CDK15: variants seen among roughly 807,000 people sequenced by gnomAD.
CDK15 encodes the protein cyclin-dependent kinase 15.
Under a neutral mutation model 60.3 loss-of-function variants are expected in CDK15, and 62 were observed. The observed-to-expected ratio is 1.03, with a 90% CI of 0.84 to 1.27. CDK15 has a LOEUF of 1.27. CDK15 is among the 50% of genes most tolerant of loss of function. The probability of loss-of-function intolerance (pLI) is 0.00; values close to 1 mark genes in which losing one functional copy is unlikely to be tolerated. For synonymous variants in CDK15, 194 were observed against 195.7 expected, an observed-to-expected ratio of 0.99 and a Z score of 0.07; for missense variants, 541 against 527.8, an observed-to-expected ratio of 1.03 and a Z score of -0.25.
intron 8 of CDK15, among the ~76,000 whole-genome samples, chr2:201,836,058 T>TTTATATTTA (rs1445180792): frequency 1.0e-5 from 1 of 96,028 alleles, no homozygotes. Flanking sequence ...TATATATATA[T>TTTATATTTA]TATATATATT....
chr2:201,882,482 C>T lies in CDK15; in HGVS notation c.1198+2315C>T, dbSNP rs1280534048. ...CAGTTCTTTCAAATTCTCCTGGCTTCCTCCCAATTAAATGAGGTTTGTCAA... is the reference window on the plus strand; with the variant it reads ...CAGTTCTTTCAAATTCTCCTGGCTTTCTCCCAATTAAATGAGGTTTGTCAA... On this transcript the variant is annotated intron_variant, in intron 12 of 13. Coordinates refer to ENST00000652192, the MANE Select transcript of CDK15 (RefSeq NM_001366386.2). The surrounding 1 kb of genome is among the most constrained non-coding windows in gnomAD (Gnocchi z 4.0). 6.6e-6 allele frequency among the ~76,000 whole-genome samples: 1 copy of T among 152,144 alleles called. No homozygotes were observed. Among genetic ancestry groups the T allele is most frequent in the East Asian group, 1.9e-4 (1 of 5,196 alleles).
chr2:201,810,912 T>G (rs111911738), intron 3 of CDK15, among the ~76,000 whole-genome samples: 1,759 of 145,724 alleles, frequency 0.012, 39 homozygotes, highest in African/African-American at 0.042. Context: ...TGGCGCAATC[T>G]CAGCTCACTG....
chr2:201,878,787 ACCTTCT>A (rs1699172692), intron 11 of CDK15, among the ~76,000 whole-genome samples: 1 of 152,190 alleles, frequency 6.6e-6, no homozygotes, highest in Non-Finnish European at 1.5e-5. Flanking sequence ...CACAGATGGC[ACCTTCT>A]CACTGTGTCT....
In CDK15 at chr2:201,812,469, T is replaced by A. The variant is rs948244581; in HGVS notation, c.369-14T>A. The A allele has an allele frequency of 6.2e-7, 1 of 1,600,710 alleles. No homozygotes were observed. The highest frequency in any genetic ancestry group is 1.3e-5 in the African/African-American group (1 of 74,592). ...ACCTCAATAAGTGTGTGCCCCTCAA[T>A]CCCTCTCTTCTAGAATAAATGGACA... On this transcript the variant is annotated splice_polypyrimidine_tract_variant and intron_variant, in intron 3 of 13. Coordinates refer to ENST00000652192, the MANE Select transcript of CDK15 (RefSeq NM_001366386.2).
chr2:201,821,964 C>A (rs553244292), intron 4 of CDK15, among the ~76,000 whole-genome samples: 1 of 152,200 alleles, frequency 6.6e-6, no homozygotes, highest in Non-Finnish European at 1.5e-5. Context: ...CACAAGCATG[C>A]GCTACCACGC....
chr2:201,880,215 CGTGT>C (rs746212014), intron 12 of CDK15, 48 bp downstream of exon 12: 2 of 1,598,998 alleles, frequency 1.3e-6, no homozygotes, highest in Non-Finnish European at 1.7e-6. Context: ...TGCGTGAGTG[CGTGT>C]GTGTGTAAGT....
At chr2:201,836,301 T>G (rs1697085932) in intron 8 of CDK15, among the ~76,000 whole-genome samples, 1 of 147,332 alleles carries the variant, frequency 6.8e-6, no homozygotes, top group Non-Finnish European at 1.5e-5. Flanking sequence ...CCTCCCAGAT[T>G]CAAGCAATTC....
Position 201,807,646 on chromosome 2 carries a change from G to T in CDK15, c.273+3G>T. Reference sequence around the variant, plus strand: ...ATCTGAGGCAGGGTTTTCAGTGGGTGAGTGAGCAGCTGATGTTGATCAAGA... The same window carrying T: ...ATCTGAGGCAGGGTTTTCAGTGGGTTAGTGAGCAGCTGATGTTGATCAAGA... On this transcript the variant is annotated splice_donor_region_variant and intron_variant, in intron 2 of 13. Transcript: ENST00000652192. The T allele has an allele frequency of 1.9e-6, 3 of 1,614,126 alleles. No homozygotes were observed. Among genetic ancestry groups the T allele is most frequent in the Non-Finnish European group, 2.5e-6 (3 of 1,180,002 alleles).
Position 201,867,712 on chromosome 2 carries a change from A to G in CDK15, c.1010-4566A>G, listed in dbSNP as rs144278447. Among the ~76,000 whole-genome samples the G allele has an allele frequency of 1.1e-3, 175 of 152,264 alleles. 2 individuals are homozygous for G. The East Asian group carries it at 0.031, about 27-fold the overall frequency. On this transcript the variant is annotated intron_variant, in intron 10 of 13. Transcript: ENST00000652192. ...TCCCAGGCTAGTTGAATCAAACCTC[A>G]GGGCTTCCTTTCTCGTAAAGGTTTC...
intron 3 of CDK15, among the ~76,000 whole-genome samples, chr2:201,808,402 T>TA (rs1695609862): frequency 6.6e-6 from 1 of 152,196 alleles, no homozygotes; most frequent in Non-Finnish European, 1.5e-5. Flanking sequence ...GAAACTGAAG[T>TA]TGGTTTCTGC....
intron 4 of CDK15, among the ~76,000 whole-genome samples, chr2:201,821,493 G>A (rs1212703752): frequency 2.0e-5 from 3 of 152,142 alleles, no homozygotes; most frequent in Non-Finnish European, 1.5e-5. Flanking sequence ...ATTTAAGGGA[G>A]TATTTCAGTT....
At chr2:201,829,894 G>A (rs56347515) in intron 6 of CDK15, among the ~76,000 whole-genome samples, 5,273 of 152,122 alleles carry the variant, frequency 0.035, 253 homozygotes, top group East Asian at 0.23. Flanking sequence ...TGCAACCTCC[G>A]CTTCCTGGGT....
intron 1 of CDK15, 120 bp from the exon 2 acceptor site, chr2:201,807,374 C>A: frequency 3.8e-6 from 4 of 1,053,274 alleles, no homozygotes; most frequent in South Asian, 1.7e-5. Flanking sequence ...TTTGGGGGTA[C>A]AGGAAGCTTA....
At chr2:201,810,928 T>G (rs1024910748) in intron 3 of CDK15, among the ~76,000 whole-genome samples, 2 of 142,274 alleles carry the variant, frequency 1.4e-5, no homozygotes, top group African/African-American at 5.3e-5. Flanking sequence ...CACTGCAACC[T>G]CCGGCTCCCG....
chr2:201,809,670 T>C (rs1190908059), intron 3 of CDK15, among the ~76,000 whole-genome samples: 1 of 152,134 alleles, frequency 6.6e-6, no homozygotes, highest in Non-Finnish European at 1.5e-5. Context: ...ATCCTGTAAA[T>C]ATCTAATACA....
intron 9 of CDK15, among the ~76,000 whole-genome samples, chr2:201,848,831 TTTATA>T (rs1228639242): frequency 6.6e-6 from 1 of 152,264 alleles, no homozygotes; most frequent in Middle Eastern, 3.4e-3. Flanking sequence ...ATTAAGACAT[TTTATA>T]GAGATTAATT....
intron 8 of CDK15, among the ~76,000 whole-genome samples, chr2:201,838,488 T>TCCAA (rs1392745018): frequency 3.3e-5 from 5 of 151,868 alleles, no homozygotes; most frequent in African/African-American, 1.2e-4. Flanking sequence ...CACTGCAGCC[T>TCCAA]CCAACTCCTG....
chr2:201,844,887 A>G (rs1697576375), intron 8 of CDK15, among the ~76,000 whole-genome samples: 1 of 152,152 alleles, frequency 6.6e-6, no homozygotes, highest in Admixed American at 6.6e-5. Context: ...GGTGGCTCAC[A>G]CCTGTAATTC....
chr2:201,845,158 G>A (rs28839874), intron 8 of CDK15, among the ~76,000 whole-genome samples: 38 of 149,656 alleles, frequency 2.5e-4, no homozygotes, highest in South Asian at 6.4e-4. Context: ...CAAAAAAAAA[G>A]AAAAAAAAAA....
Sources: allele counts gnomAD v4.1 joint callset (sites outside exome capture counted in the v4.1 genomes callset), GRCh38; gene constraint gnomAD v4.1.1; non-coding constraint Gnocchi (gnomAD v3.1); transcripts MANE v1.5; gene names NCBI Gene and HGNC (gene_info 2026-07-23, HGNC 2026-07-21).